Variants in ANKS1A observed in about 807,000 individuals in gnomAD.
ANKS1A encodes ankyrin repeat and sterile alpha motif domain containing 1A, also known as ankyrin repeat and SAM domain-containing protein 1A.
A neutral mutation model predicts 120.3 loss-of-function variants in ANKS1A; 55 were observed. The observed-to-expected ratio is 0.46, with a 90% CI of 0.37 to 0.57. ANKS1A has a LOEUF of 0.57. ANKS1A is among the 20% of genes least tolerant of loss of function. The pLI is 0.00. For synonymous variants in ANKS1A, 590 were observed against 604.7 expected (o/e 0.98, Z 0.36); for missense variants, 1,123 against 1,480.3 (o/e 0.76, Z 3.96).
Position 34,983,315 on chromosome 6 carries a change from T to G in ANKS1A, c.911-9T>G. 6.2e-7 allele frequency: 1 copy of G among 1,613,260 alleles called. No homozygotes were observed. Among genetic ancestry groups the G allele is most frequent in the Non-Finnish European group, 8.5e-7 (1 of 1,179,442 alleles). On this transcript the variant is annotated splice_polypyrimidine_tract_variant and intron_variant, in intron 6 of 23. Transcript: ENST00000360359. ...CTTTTTATTTTTATTTTTTGATCTTTCCATGTAGATCACATGACTGGAAAA... is the reference window on the plus strand; with the variant it reads ...CTTTTTATTTTTATTTTTTGATCTTGCCATGTAGATCACATGACTGGAAAA...
At chr6:34,915,829 A>G (rs1486399513) in intron 1 of ANKS1A, among the ~76,000 whole-genome samples, 2 of 151,730 alleles carry the variant, frequency 1.3e-5, no homozygotes, top group African/African-American at 2.4e-5. Flanking sequence ...GAGCCACTCT[A>G]TTTTGTTTGG....
chr6:35,077,284 T>C (rs1020940858), intron 13 of ANKS1A, among the ~76,000 whole-genome samples: 3 of 151,984 alleles, frequency 2.0e-5, no homozygotes, highest in Non-Finnish European at 4.4e-5. Flanking sequence ...GTAGCTGAAG[T>C]TGGAGCAAAT....
In ANKS1A at chr6:34,994,368, C is replaced by G. The variant is rs1205632600; in HGVS notation, c.1369C>G (p.Leu457Val). The G allele has an allele frequency of 6.2e-7, 1 of 1,613,710 alleles. No homozygotes were observed. Residue 457 changes from leucine (L) to valine (V), a missense_variant, in exon 10 of 24, where the codon CTG becomes GTG. Physicochemically the swap from Leu to Val is conservative, Grantham distance 32. Transcript: ENST00000360359. ...AREEDEHPYE[L>V]LLTAETKKVV... Reference sequence around the variant, plus strand: ...GGAAGAAGACGAACACCCTTATGAACTGTTGTTAACAGCAGAGACAAAGAA... The same window carrying G: ...GGAAGAAGACGAACACCCTTATGAAGTGTTGTTAACAGCAGAGACAAAGAA...
At chr6:35,034,484 A>G (rs1775057514) in intron 11 of ANKS1A, among the ~76,000 whole-genome samples, 1 of 152,194 alleles carries the variant, frequency 6.6e-6, no homozygotes, top group South Asian at 2.1e-4. Context: ...AAGAAATTAC[A>G]AGATTCCTGG....
chr6:35,040,565 G>A (rs1775405247), intron 11 of ANKS1A, among the ~76,000 whole-genome samples: 1 of 152,218 alleles, frequency 6.6e-6, no homozygotes, highest in African/African-American at 2.4e-5. Context: ...GCATATTTGA[G>A]ATTCTGATGC....
chr6:34,987,115 T>C (rs1413963807), intron 8 of ANKS1A, among the ~76,000 whole-genome samples: 1 of 152,216 alleles, frequency 6.6e-6, no homozygotes, highest in South Asian at 2.1e-4. Flanking sequence ...CCATTTTTAC[T>C]TGTGTATGTT....
At chr6:34,967,847 A>G (rs557880808) in intron 2 of ANKS1A, among the ~76,000 whole-genome samples, 1 of 152,082 alleles carries the variant, frequency 6.6e-6, no homozygotes, top group East Asian at 2.0e-4. Context: ...AAAAATCTTC[A>G]GCCAAGAGTT....
chr6:34,941,981 G>C (rs995658259), intron 1 of ANKS1A, among the ~76,000 whole-genome samples: 2 of 152,166 alleles, frequency 1.3e-5, no homozygotes, highest in African/African-American at 4.8e-5. Context: ...ATTAATTAGA[G>C]GTTAATAATA....
In ANKS1A at chr6:34,981,793, A is replaced by G; in HGVS notation, c.539A>G (p.Asn180Ser). 2 of 1,614,178 alleles carry G rather than the reference A, an allele frequency of 1.2e-6. No individual in the cohort carries two copies. Among genetic ancestry groups the G allele is most frequent in the Non-Finnish European group, 1.7e-6 (2 of 1,180,010 alleles). The change falls in exon 4 of 24, where the codon AAC becomes AGC. Residue 180 changes from asparagine (N) to serine (S), a missense_variant. Asn to Ser is a conservative substitution (Grantham distance 46, BLOSUM62 1). Transcript: ENST00000360359. ...CTGACGGACCCCACCATGCGCAACA[A>G]CAAATTCGAGACCCCTTTGGACCTG... is the stretch of plus-strand genomic sequence containing the variant. ...EELTDPTMRN[N>S]KFETPLDLAA...
At chr6:34,921,838 G>A (rs1768447200) in intron 1 of ANKS1A, among the ~76,000 whole-genome samples, 1 of 152,004 alleles carries the variant, frequency 6.6e-6, no homozygotes, top group South Asian at 2.1e-4. Context: ...CTAGGACTGA[G>A]GTGCACACCG....
intron 19 of ANKS1A, 59 bp downstream of exon 19, chr6:35,083,285 G>A (rs72898261): frequency 6.9e-5 from 111 of 1,603,918 alleles, no homozygotes; most frequent in Non-Finnish European, 9.4e-5. Flanking sequence ...AGGCAGCAAT[G>A]GGGGCAGTAG....
At chr6:35,012,176 A>C (rs890408675) in intron 10 of ANKS1A, among the ~76,000 whole-genome samples, 1 of 152,226 alleles carries the variant, frequency 6.6e-6, no homozygotes, top group South Asian at 2.1e-4. Flanking sequence ...CATCCCAGGC[A>C]TTCATTTTTT....
chr6:34,943,738 G>A (rs188178657), intron 1 of ANKS1A, among the ~76,000 whole-genome samples: 80 of 152,178 alleles, frequency 5.3e-4, no homozygotes, highest in African/African-American at 1.8e-3. Flanking sequence ...AAGATTTCTC[G>A]AAGTCTTTTT....
chr6:34,935,873 TA>T (rs1194212924), intron 1 of ANKS1A, among the ~76,000 whole-genome samples: 1 of 151,350 alleles, frequency 6.6e-6, no homozygotes, highest in African/African-American at 2.4e-5. Flanking sequence ...CCATCCCGGC[TA>T]AAACGGTGAA....
intron 1 of ANKS1A, among the ~76,000 whole-genome samples, chr6:34,939,210 C>G (rs1769409794): frequency 6.6e-6 from 1 of 152,156 alleles, no homozygotes. Context: ...TGTCTCTGTT[C>G]TAGGAGCCCT....
intron 11 of ANKS1A, among the ~76,000 whole-genome samples, chr6:35,038,585 G>T (rs570259523): frequency 1.3e-5 from 2 of 152,260 alleles, no homozygotes; most frequent in East Asian, 3.9e-4. Context: ...GGGCTGAAGT[G>T]ATCCTTCTGC....
At chr6:35,028,162 C>G (rs1003583903) in intron 11 of ANKS1A, among the ~76,000 whole-genome samples, 3 of 152,198 alleles carry the variant, frequency 2.0e-5, no homozygotes, top group East Asian at 1.9e-4. Context: ...CACTTTGGAT[C>G]TAGTTATTTT....
In ANKS1A at chr6:35,079,524, T is replaced by C; in HGVS notation, c.2292T>C (p.Ala764=). Residue 764 remains alanine, a synonymous_variant, in exon 15 of 24, where the codon GCT becomes GCC. Coordinates refer to ENST00000360359, the MANE Select transcript of ANKS1A (RefSeq NM_015245.3). ...QAARSLPKVK[A]LGYDGNSPPS... ...CCCTCCTTGCCCTGTAGGTGAAGGC[T>C]CTGGGTTATGACGGGAACAGCCCCC... 1 of 1,613,618 alleles carries C rather than the reference T, an allele frequency of 6.2e-7. No homozygotes were observed. The highest frequency in any genetic ancestry group is 8.5e-7 in the Non-Finnish European group (1 of 1,179,706).
At chr6:34,998,642 TG>T (rs1209580342) in intron 10 of ANKS1A, among the ~76,000 whole-genome samples, 1 of 152,206 alleles carries the variant, frequency 6.6e-6, no homozygotes, top group Non-Finnish European at 1.5e-5. Context: ...ACGTACCCCC[TG>T]CTTGCTCAAT....
Sources: gnomAD v4.1 joint callset for allele counts (sites outside exome capture counted in the v4.1 genomes callset) on GRCh38, gnomAD v4.1.1 for gene constraint, MANE v1.5 for transcripts, NCBI Gene and HGNC (gene_info 2026-07-23, HGNC 2026-07-21) for gene names.